Variants in PARD6G observed in about 807,000 individuals in gnomAD.
PARD6G encodes partitioning defective 6 homolog gamma.
Under a neutral mutation model 10.7 loss-of-function variants are expected in PARD6G, and 7 were observed. That is an observed-to-expected ratio of 0.66 (90% confidence interval 0.37 to 1.23). The LOEUF (loss-of-function observed/expected upper bound fraction) is 1.23, where lower values mean the gene tolerates loss of function less well. PARD6G is among the 50% of genes most tolerant of loss of function. The pLI is 0.02. For synonymous variants in PARD6G, 287 were observed against 269.4 expected (o/e 1.07, Z -0.64); for missense variants, 548 against 571.8 (o/e 0.96, Z 0.42).
intron 2 of PARD6G, chr18:80,170,029 G>C (rs1321262423): frequency 6.6e-6 from 1 of 152,244 alleles, no homozygotes; most frequent in Admixed American, 6.5e-5. Context: ...GGCCTATTAG[G>C]GCCTCGTCCG....
intron 1 of PARD6G, among the ~76,000 whole-genome samples, chr18:80,210,509 C>A (rs9956207): frequency 2.0e-5 from 3 of 152,032 alleles, no homozygotes; most frequent in Admixed American, 6.5e-5. Context: ...GGACTGTCAT[C>A]GTCAGACCTG....
chr18:80,165,079 C>T (rs1443638086), intron 2 of PARD6G, among the ~76,000 whole-genome samples: 5 of 152,298 alleles, frequency 3.3e-5, no homozygotes, highest in South Asian at 4.1e-4. Flanking sequence ...AAACAGGGTT[C>T]GAGAGCAGAG....
intron 2 of PARD6G, among the ~76,000 whole-genome samples, chr18:80,167,363 CACAT>C (rs2052743761): frequency 6.6e-6 from 1 of 152,094 alleles, no homozygotes; most frequent in Non-Finnish European, 1.5e-5. Context: ...TGCAGGATAA[CACAT>C]GGGCAGTGCT....
chr18:80,234,443 A>C (rs1967396145), intron 1 of PARD6G, among the ~76,000 whole-genome samples: 1 of 152,090 alleles, frequency 6.6e-6, no homozygotes, highest in African/African-American at 2.4e-5. Flanking sequence ...TTAATCCACA[A>C]ATAGCTAATA....
At chr18:80,216,777 A>G (rs367994965) in intron 1 of PARD6G, among the ~76,000 whole-genome samples, 9 of 152,166 alleles carry the variant, frequency 5.9e-5, no homozygotes, top group African/African-American at 2.2e-4. Context: ...GGGTGGAAAT[A>G]AACGGAAGAC....
At chr18:80,179,764 C>T (rs564676387) in intron 2 of PARD6G, among the ~76,000 whole-genome samples, 39 of 152,358 alleles carry the variant, frequency 2.6e-4, no homozygotes, top group Admixed American at 9.1e-4. Context: ...CCGTGCACGG[C>T]GGTCACCATC....
intron 1 of PARD6G, among the ~76,000 whole-genome samples, chr18:80,245,026 A>C (rs529725958): frequency 2.0e-5 from 3 of 152,246 alleles, no homozygotes; most frequent in Admixed American, 1.3e-4. Context: ...AGTTCAACCA[A>C]AACTCTGGCG....
Position 80,188,065 on chromosome 18 carries a change from C to A in PARD6G, c.295+14645G>T, listed in dbSNP as rs561445841. On this transcript the variant is annotated intron_variant, in intron 2 of 2. Transcript: ENST00000353265. The surrounding 1 kb of genome is among the most constrained non-coding windows in gnomAD (Gnocchi z 5.4). ...AAACGCTAAGTGGTGCGCGACCGTG[C>A]CCAACGGGAGGTGTTACGTGGCGCG... is the stretch of plus-strand genomic sequence containing the variant. The A allele has an allele frequency of 6.6e-6, 1 of 152,230 alleles. No homozygotes were observed. The highest frequency in any genetic ancestry group is 1.5e-5 in the Non-Finnish European group (1 of 68,046). The allele number at this position is 152,230 out of a possible 1,614,324, so 9.4% of individuals were successfully genotyped here.
intron 2 of PARD6G, among the ~76,000 whole-genome samples, chr18:80,167,682 G>A (rs1426832105): frequency 2.0e-5 from 3 of 152,038 alleles, no homozygotes; most frequent in South Asian, 2.1e-4. Flanking sequence ...TAGGGAGGAC[G>A]ACCATGGGAA....
chr18:80,167,940 GA>G (rs1370886695), intron 2 of PARD6G, among the ~76,000 whole-genome samples: 1 of 152,166 alleles, frequency 6.6e-6, no homozygotes, highest in Non-Finnish European at 1.5e-5. Flanking sequence ...TGTGTAAGCT[GA>G]AAGATGAACA....
At chr18:80,217,753 G>A (rs1056774280) in intron 1 of PARD6G, among the ~76,000 whole-genome samples, 13 of 152,156 alleles carry the variant, frequency 8.5e-5, no homozygotes, top group Non-Finnish European at 1.2e-4. Context: ...GTATTAGTCC[G>A]TTCTCATGCT....
intron 1 of PARD6G, among the ~76,000 whole-genome samples, chr18:80,204,850 T>G (rs555289098): frequency 6.6e-6 from 1 of 151,902 alleles, no homozygotes; most frequent in East Asian, 1.9e-4. Flanking sequence ...ATCTCAGGAG[T>G]CTGAGGCAGG....
Position 80,181,408 on chromosome 18 carries a change from G to A in PARD6G, c.296-20802C>T, listed in dbSNP as rs1399097106. Among the ~76,000 whole-genome samples the A allele has an allele frequency of 6.6e-6, 1 of 152,144 alleles. No homozygotes were observed. The highest frequency in any genetic ancestry group is 1.5e-5 in the Non-Finnish European group (1 of 68,026). On this transcript the variant is annotated intron_variant, in intron 2 of 2. Transcript: ENST00000353265. This position sits in a 1 kb window ranked among gnomAD's most constrained non-coding sequence, Gnocchi z 7.9. ...ACCGGGGGACCCTGCGTGCTTGGGT[G>A]CATTGCACACCCAGGTCACCAGGGA...
chr18:80,231,643 A>C lies in PARD6G; in HGVS notation c.72+15634T>G, dbSNP rs1003683213. On this transcript the variant is annotated intron_variant, in intron 1 of 2. Transcript: ENST00000353265. The surrounding 1 kb of genome is among the most constrained non-coding windows in gnomAD (Gnocchi z 4.2). ...CTTCATAAAATAGATAAAAACATTCATCCCAGGGTTGTGGTGAGACTCTAA... is the reference window on the plus strand; with the variant it reads ...CTTCATAAAATAGATAAAAACATTCCTCCCAGGGTTGTGGTGAGACTCTAA... Among the ~76,000 whole-genome samples, 1 of 152,122 alleles carries C rather than the reference A, an allele frequency of 6.6e-6. No homozygotes were observed. Among genetic ancestry groups the C allele is most frequent in the African/African-American group, 2.4e-5 (1 of 41,406 alleles).
chr18:80,164,940 C>A (rs1367299769), intron 2 of PARD6G, among the ~76,000 whole-genome samples: 2 of 152,056 alleles, frequency 1.3e-5, no homozygotes, highest in Non-Finnish European at 2.9e-5. Context: ...GGGAACAGGA[C>A]AAAAGGAAAA....
At chr18:80,168,638 G>T (rs540399817) in intron 2 of PARD6G, among the ~76,000 whole-genome samples, 2 of 147,736 alleles carry the variant, frequency 1.4e-5, no homozygotes, top group African/African-American at 5.0e-5. Flanking sequence ...TTTTTTTTTG[G>T]AGACAGTCTC....
chr18:80,185,978 A>G (rs2052873545), intron 2 of PARD6G, among the ~76,000 whole-genome samples: 3 of 133,142 alleles, frequency 2.3e-5, no homozygotes, highest in South Asian at 2.5e-4. Context: ...GCACCCTCAC[A>G]CACGCATATA....
chr18:80,216,172 T>C (rs190148466), intron 1 of PARD6G, among the ~76,000 whole-genome samples: 31 of 152,172 alleles, frequency 2.0e-4, no homozygotes, highest in Admixed American at 5.9e-4. Flanking sequence ...AGTTCAACAA[T>C]AAATGTTGGA....
intron 2 of PARD6G, among the ~76,000 whole-genome samples, chr18:80,191,400 T>C (rs1046273803): frequency 1.3e-5 from 2 of 152,174 alleles, no homozygotes; most frequent in African/African-American, 4.8e-5. Context: ...TTGGGCTTTA[T>C]CAACCTAGAG....
Sources: allele counts gnomAD v4.1 joint callset (sites outside exome capture counted in the v4.1 genomes callset), GRCh38; gene constraint gnomAD v4.1.1; non-coding constraint Gnocchi (gnomAD v3.1); transcripts MANE v1.5; gene names NCBI Gene and HGNC (gene_info 2026-07-23, HGNC 2026-07-21).